Variants in RELCH observed in about 807,000 individuals in gnomAD.
The protein encoded by RELCH is RAB11-binding protein RELCH.
Under a neutral mutation model 150.3 loss-of-function variants are expected in RELCH, and 41 were observed. That is an observed-to-expected ratio of 0.27 (90% CI 0.21 to 0.35). The LOEUF is 0.35. Among genes scored for constraint, RELCH ranks in the 10% least tolerant of loss-of-function variants. RELCH has a pLI of 1.00. For missense variants in RELCH, 1,092 were observed against 1,467.8 expected (o/e 0.74, Z 4.18); for synonymous variants, 478 against 531.8 (o/e 0.90, Z 1.39).
intron 18 of RELCH, among the ~76,000 whole-genome samples, chr18:62,266,457 A>G (rs1390501950): frequency 2.0e-5 from 3 of 151,924 alleles, no homozygotes; most frequent in South Asian, 4.1e-4. Flanking sequence ...ACCAGAGGCC[A>G]TTCACTTGTT....
At chr18:62,230,355 G>C (rs2041494480) in intron 8 of RELCH, among the ~76,000 whole-genome samples, 1 of 151,978 alleles carries the variant, frequency 6.6e-6, no homozygotes, top group African/African-American at 2.4e-5. Flanking sequence ...AAGGATTATG[G>C]TCCCCCTCTG....
chr18:62,211,319 C>T (rs2040155028), intron 2 of RELCH, 77 bp downstream of exon 2: 3 of 895,328 alleles, frequency 3.4e-6, no homozygotes, highest in South Asian at 2.8e-5. Context: ...AATTTTTTTC[C>T]TTCTACAGTT....
At chr18:62,213,352 G>A (rs1039734602) in intron 2 of RELCH, among the ~76,000 whole-genome samples, 8 of 151,898 alleles carry the variant, frequency 5.3e-5, no homozygotes, top group African/African-American at 1.2e-4. Flanking sequence ...AATTGAAGAG[G>A]TTTATTATTA....
intron 1 of RELCH, among the ~76,000 whole-genome samples, chr18:62,195,197 G>T (rs1599767712): frequency 1.3e-5 from 2 of 151,768 alleles, no homozygotes; most frequent in South Asian, 4.1e-4. Context: ...TTGTAGCATC[G>T]TTGTAATGTT....
At chr18:62,279,173 G>C (rs902987212) in intron 22 of RELCH, among the ~76,000 whole-genome samples, 2 of 152,158 alleles carry the variant, frequency 1.3e-5, no homozygotes, top group African/African-American at 4.8e-5. Context: ...GAGAACTGAC[G>C]TCTGAACCCA....
intron 21 of RELCH, among the ~76,000 whole-genome samples, chr18:62,275,163 C>T (rs1053843047): frequency 1.3e-5 from 2 of 152,194 alleles, no homozygotes; most frequent in Non-Finnish European, 1.5e-5. Flanking sequence ...GATCTGCCCA[C>T]CTTATCCTCT....
intron 1 of RELCH, among the ~76,000 whole-genome samples, chr18:62,198,735 C>T (rs1055981612): frequency 2.0e-5 from 3 of 152,096 alleles, no homozygotes; most frequent in Non-Finnish European, 4.4e-5. Context: ...CTAGCTAAAG[C>T]CTTTTAAATA....
chr18:62,263,285 A>G (rs1426450316), intron 16 of RELCH, among the ~76,000 whole-genome samples: 1 of 152,044 alleles, frequency 6.6e-6, no homozygotes, highest in Non-Finnish European at 1.5e-5. Context: ...TCTATTGCCA[A>G]GCATATGCTG....
chr18:62,295,047 G>A (rs576549257), intron 27 of RELCH, among the ~76,000 whole-genome samples: 35 of 152,150 alleles, frequency 2.3e-4, no homozygotes, highest in Non-Finnish European at 4.3e-4. Context: ...AATTCAGTAG[G>A]ACAAGTCCAG....
At chr18:62,280,045 A>G (rs17069718) in intron 23 of RELCH, among the ~76,000 whole-genome samples, 189 bp downstream of exon 23, 6,027 of 152,214 alleles carry the variant, frequency 0.04, 256 homozygotes, top group East Asian at 0.18. Flanking sequence ...AACCCTCACC[A>G]TAAGTGTAAT....
chr18:62,298,591 A>G (rs1157922038), intron 27 of RELCH, among the ~76,000 whole-genome samples, 199 bp from the exon 28 acceptor site: 1 of 152,188 alleles, frequency 6.6e-6, no homozygotes, highest in African/African-American at 2.4e-5. Flanking sequence ...AATTATTGTT[A>G]TATGATTGAG....
At position 62,231,154 on chromosome 18, in the gene RELCH, A is replaced by G. The variant is rs1286405712; in HGVS notation, c.1449-40A>G. 2.4e-6 allele frequency: 3 copies of G among 1,247,876 alleles called. No individual in the cohort carries two copies. The South Asian group carries it at 3.7e-5, about 15-fold the overall frequency. The allele number at this position is 1,247,876 out of a possible 1,614,324, so 77.3% of individuals were successfully genotyped here. On this transcript the variant is annotated intron_variant, in intron 8 of 28. Coordinates refer to ENST00000644646, the MANE Select transcript of RELCH (RefSeq NM_001346231.2). ...AATTTCTCCTTAAATGTCAATGGTA[A>G]TTATTTGATATTGTCTCTTTTTCAT...
intron 2 of RELCH, among the ~76,000 whole-genome samples, chr18:62,219,960 T>TA (rs1210288104): frequency 6.6e-6 from 1 of 152,114 alleles, no homozygotes; most frequent in Non-Finnish European, 1.5e-5. Flanking sequence ...TTCCAGTTTT[T>TA]ATGCAGAATG....
intron 2 of RELCH, among the ~76,000 whole-genome samples, chr18:62,218,020 C>T (rs2040596146): frequency 6.6e-6 from 1 of 151,856 alleles, no homozygotes; most frequent in South Asian, 2.1e-4. Context: ...ATTTTCTAAA[C>T]CTAGTAAAGG....
At chr18:62,248,410 G>A (rs977203393) in intron 11 of RELCH, among the ~76,000 whole-genome samples, 2 of 152,150 alleles carry the variant, frequency 1.3e-5, no homozygotes, top group African/African-American at 4.8e-5. Context: ...GAAGTTTGAA[G>A]TTATGTATTA....
intron 1 of RELCH, among the ~76,000 whole-genome samples, chr18:62,199,255 G>T (rs2039263166): frequency 6.6e-6 from 1 of 151,576 alleles, no homozygotes; most frequent in South Asian, 2.1e-4. Context: ...TGTACTTGAG[G>T]GGTTTTTTTG....
intron 10 of RELCH, among the ~76,000 whole-genome samples, chr18:62,234,107 T>C (rs1040438156): frequency 5.3e-5 from 8 of 152,000 alleles, no homozygotes; most frequent in African/African-American, 1.7e-4. Context: ...TTGTATTTCC[T>C]CAAAATTAAA....
chr18:62,214,339 C>T (rs2040353255), intron 2 of RELCH, among the ~76,000 whole-genome samples: 1 of 152,086 alleles, frequency 6.6e-6, no homozygotes, highest in Admixed American at 6.5e-5. Context: ...AAGATTGTGA[C>T]TCTTTGCTTT....
chr18:62,257,887 A>G, intron 13 of RELCH, 61 bp from the exon 14 acceptor site: 1 of 1,286,282 alleles, frequency 7.8e-7, no homozygotes, highest in African/African-American at 1.5e-5. Context: ...TGTTTGTCAT[A>G]TTATTTTCTA....
Sources: allele counts gnomAD v4.1 joint callset (sites outside exome capture counted in the v4.1 genomes callset), GRCh38; gene constraint gnomAD v4.1.1; transcripts MANE v1.5; gene names NCBI Gene and HGNC (gene_info 2026-07-23, HGNC 2026-07-21).